Variants in RPL38 observed in about 807,000 individuals in gnomAD.
RPL38 encodes ribosomal protein L38.
Under a neutral mutation model 12.8 loss-of-function variants are expected in RPL38, and 2 were observed. That is an observed-to-expected ratio of 0.16 (90% CI 0.06 to 0.49). The LOEUF (loss-of-function observed/expected upper bound fraction) is 0.49, where lower values mean the gene tolerates loss of function less well. Ranked by LOEUF, RPL38 falls within the 20% of genes least tolerant of loss-of-function variation. The pLI, the probability that RPL38 is intolerant of heterozygous loss-of-function variation, is 0.96. For missense variants in RPL38, 52 were observed against 79.8 expected (o/e 0.65, Z 1.33); for synonymous variants, 42 against 30.1 (o/e 1.39, Z -1.29).
At chr17:74,204,405 C>T (rs1024876106) in intron 3 of RPL38, 5 of 573,896 alleles carry the variant, frequency 8.7e-6, no homozygotes, top group Non-Finnish European at 1.6e-5. Context: ...TAGCTAATCG[C>T]GATCATCTCA....
In RPL38 at chr17:74,209,982, T is replaced by C; in HGVS notation, c.*153T>C. On this transcript the variant is annotated 3_prime_UTR_variant, in exon 5 of 5. Transcript: ENST00000311111. ...TCTGTTGCTGCCTTCCTGTGTCTTT[T>C]TTTTTTTTTTTTTTTCTTTCTTTGA... The C allele has an allele frequency of 1.9e-6, 1 of 516,020 alleles. No homozygotes were observed. The highest frequency in any genetic ancestry group is 2.7e-5 in the South Asian group (1 of 36,686). 32.0% of individuals were successfully genotyped at this position (516,020 alleles called of 1,614,324 possible).
chr17:74,205,209 TG>T (rs1567803458), intron 3 of RPL38: 1 of 152,208 alleles, frequency 6.6e-6, no homozygotes, highest in Non-Finnish European at 1.5e-5. Flanking sequence ...GAGAGGTAGT[TG>T]TGTTACTCCT....
intron 3 of RPL38, chr17:74,205,587 T>C (rs999109232): frequency 3.9e-5 from 6 of 152,234 alleles, no homozygotes; most frequent in Non-Finnish European, 5.9e-5. Context: ...GCTAGTGTTT[T>C]GTGTAAAGAG....
intron 4 of RPL38, chr17:74,209,536 C>G (rs2050145630): frequency 1.6e-6 from 1 of 641,666 alleles, no homozygotes; most frequent in African/African-American, 1.8e-5. Context: ...TCATTTAATC[C>G]TGTTCACGAC....
In RPL38 at chr17:74,209,933, T is replaced by G; in HGVS notation, c.*104T>G. 2.2e-6 allele frequency: 2 copies of G among 920,478 alleles called. No individual in the cohort carries two copies. Among genetic ancestry groups the G allele is most frequent in the South Asian group, 2.7e-5 (2 of 74,544 alleles). 57.0% of individuals were successfully genotyped at this position (920,478 alleles called of 1,614,324 possible). A position where few individuals can be genotyped will look rare whatever the true frequency, so the allele number is the denominator to read the frequency against. On this transcript the variant is annotated 3_prime_UTR_variant, in exon 5 of 5. Transcript: ENST00000311111. ...GGGAAAAATGCTACCTCGTAGTGGC[T>G]TCTGATGGGAACAGGACGCGGGTTC...
intron 3 of RPL38, among the ~76,000 whole-genome samples, 165 bp from the exon 4 acceptor site, chr17:74,209,022 A>G (rs2050140774): frequency 1.3e-5 from 2 of 152,136 alleles, no homozygotes; most frequent in Admixed American, 1.3e-4. Flanking sequence ...AAAAGTCCCA[A>G]GTTGGAGGAA....
At chr17:74,209,113 G>C in intron 3 of RPL38, 74 bp from the exon 4 acceptor site, 1 of 1,526,382 alleles carries the variant, frequency 6.6e-7, no homozygotes, top group Non-Finnish European at 9.0e-7. Flanking sequence ...TACTGCTTGA[G>C]TGTATTTGCA....
chr17:74,208,926 C>T (rs2050140018), intron 3 of RPL38, among the ~76,000 whole-genome samples: 1 of 152,126 alleles, frequency 6.6e-6, no homozygotes, highest in African/African-American at 2.4e-5. Context: ...CAGACCGAGA[C>T]TCTGTCTCAA....
Position 74,203,711 on chromosome 17 carries a change from G to T in RPL38, c.-73G>T. On this transcript the variant is annotated 5_prime_UTR_variant, in exon 1 of 5. Coordinates refer to ENST00000311111, the MANE Select transcript of RPL38 (RefSeq NM_000999.4). ...TCCTTTTCCCCGGTTGCTGCTTGCT[G>T]TGAGTGTCTCTAGGGTGATACGTGG... is the stretch of plus-strand genomic sequence containing the variant. 2 of 520,064 alleles carry T rather than the reference G, an allele frequency of 3.8e-6. No homozygotes were observed. The highest frequency in any genetic ancestry group is 3.0e-5 in the East Asian group (1 of 33,060). The allele number at this position is 520,064 out of a possible 1,614,324, so 32.2% of individuals were successfully genotyped here. A position where few individuals can be genotyped will look rare whatever the true frequency, so the allele number is the denominator to read the frequency against.
chr17:74,204,465 G>C lies in RPL38; in HGVS notation c.64+275G>C, dbSNP rs550478644. On this transcript the variant is annotated intron_variant, in intron 3 of 4. Transcript: ENST00000311111. ...TTTCGTATAATATAGTAAATTGTCG[G>C]AACGGAATCTCCACTCCGCGAAAGC... is the stretch of plus-strand genomic sequence containing the variant. 11 of 460,562 alleles carry C rather than the reference G, an allele frequency of 2.4e-5. No homozygotes were observed. The South Asian group carries it at 2.8e-4, about 12-fold the overall frequency. 28.5% of individuals were successfully genotyped at this position (460,562 alleles called of 1,614,324 possible).
chr17:74,204,423 C>T (rs1194360610), intron 3 of RPL38: 1 of 553,522 alleles, frequency 1.8e-6, no homozygotes, highest in African/African-American at 1.9e-5. Flanking sequence ...TCAGAGGCCG[C>T]CCTGAGTTCA....
intron 4 of RPL38, 45 bp downstream of exon 4, chr17:74,209,354 G>A: frequency 3.1e-6 from 5 of 1,603,286 alleles, no homozygotes; most frequent in Non-Finnish European, 4.3e-6. Flanking sequence ...GGGTTTGGAA[G>A]GTTGCTGTGT....
At chr17:74,205,227 T>C (rs1318192551) in intron 3 of RPL38, 1 of 152,250 alleles carries the variant, frequency 6.6e-6, no homozygotes, top group African/African-American at 2.4e-5. Flanking sequence ...TCCTTTGTGA[T>C]ACTTGAAGGA....
chr17:74,203,898 C>T lies in RPL38; in HGVS notation c.-38-20C>T, dbSNP rs2050083990. 5 of 1,572,388 alleles carry T rather than the reference C, an allele frequency of 3.2e-6. No individual in the cohort carries two copies. The Admixed American group carries it at 9.2e-5, about 29-fold the overall frequency. On this transcript the variant is annotated intron_variant, in intron 1 of 4. Transcript: ENST00000311111. ...TGCCAGCCCCCGCGCCGTGTTAACG[C>T]CGAGGACTGTTTCCCGCAGGTCCTG...
chr17:74,206,301 C>T (rs933344578), intron 3 of RPL38: 4 of 151,668 alleles, frequency 2.6e-5, no homozygotes, highest in East Asian at 3.9e-4. Flanking sequence ...AAAAGTTAGC[C>T]GGGCGTGTGC....
intron 3 of RPL38, chr17:74,205,359 A>T (rs2050103301): frequency 1.3e-5 from 2 of 152,338 alleles, no homozygotes; most frequent in South Asian, 4.1e-4. Flanking sequence ...TGCATGGGAC[A>T]GGCCTGTTAA....
Position 74,210,148 on chromosome 17 carries a change from T to G in RPL38, c.*319T>G, listed in dbSNP as rs2050153216. ...GATTACAGGCACACATCACCACGCCTGGCCAATTTTTGTATTTGTAGTAGA... is the reference window on the plus strand; with the variant it reads ...GATTACAGGCACACATCACCACGCCGGGCCAATTTTTGTATTTGTAGTAGA... On this transcript the variant is annotated 3_prime_UTR_variant, in exon 5 of 5. Transcript: ENST00000311111. 4.0e-6 allele frequency: 1 copy of G among 252,288 alleles called. No individual in the cohort carries two copies. Among genetic ancestry groups the G allele is most frequent in the Non-Finnish European group, 7.6e-6 (1 of 131,292 alleles). The allele number at this position is 252,288 out of a possible 1,614,324, so 15.6% of individuals were successfully genotyped here.
chr17:74,208,500 G>A (rs1026677823), intron 3 of RPL38, among the ~76,000 whole-genome samples: 9 of 152,208 alleles, frequency 5.9e-5, no homozygotes, highest in East Asian at 3.8e-4. Context: ...GTGGCTGGAG[G>A]CATCCTGAAG....
rs906375470 is a variant in RPL38, at chr17:74,209,907, A to G, written c.*78A>G. On this transcript the variant is annotated 3_prime_UTR_variant, in exon 5 of 5. Transcript: ENST00000311111. ...TGTCTTTCGTCTTTGCGGATGGGAA[A>G]GGGAAAAATGCTACCTCGTAGTGGC... The G allele has an allele frequency of 1.5e-5, 19 of 1,269,714 alleles. No homozygotes were observed. The highest frequency in any genetic ancestry group is 1.8e-4 in the Middle Eastern group (1 of 5,434). 78.7% of individuals were successfully genotyped at this position (1,269,714 alleles called of 1,614,324 possible).
Sources: allele counts gnomAD v4.1 joint callset (sites outside exome capture counted in the v4.1 genomes callset), GRCh38; gene constraint gnomAD v4.1.1; transcripts MANE v1.5; gene names NCBI Gene and HGNC (gene_info 2026-07-23, HGNC 2026-07-21).